The following CYTH1 variants were observed in gnomAD, a reference collection of about 807,000 sequenced individuals.
CYTH1 encodes the protein cytohesin 1.
In CYTH1, 18 loss-of-function variants were observed where a neutral mutation model predicts 61.8. The observed-to-expected ratio is 0.29, with a 90% CI of 0.20 to 0.43. The LOEUF is 0.43. Ranked by LOEUF, CYTH1 falls within the 20% of genes least tolerant of loss-of-function variation. The probability of loss-of-function intolerance (pLI) is 1.00; values close to 1 mark genes in which losing one functional copy is unlikely to be tolerated. For missense variants in CYTH1, 336 were observed against 510.5 expected, an observed-to-expected ratio of 0.66 and a Z score of 3.29; for synonymous variants, 174 against 184.3, an observed-to-expected ratio of 0.94 and a Z score of 0.45.
chr17:78,775,970 C>G (rs2093489214), intron 1 of CYTH1, among the ~76,000 whole-genome samples: 1 of 152,016 alleles, frequency 6.6e-6, no homozygotes, highest in African/African-American at 2.4e-5. Flanking sequence ...GCCTGGCCAA[C>G]ATGGTGAAAC....
intron 1 of CYTH1, among the ~76,000 whole-genome samples, chr17:78,719,883 C>T (rs770196108): frequency 8.5e-5 from 13 of 152,222 alleles, no homozygotes; most frequent in Admixed American, 2.6e-4. Context: ...AAGTTTCCCA[C>T]TCACTGAGTC....
At chr17:78,682,580 T>G (rs2092774871) in intron 11 of CYTH1, among the ~76,000 whole-genome samples, 1 of 152,158 alleles carries the variant, frequency 6.6e-6, no homozygotes, top group Non-Finnish European at 1.5e-5. Context: ...AGAAAGGGTG[T>G]GTGGGTGGTA....
chr17:78,736,453 T>TAC (rs1235988203), intron 1 of CYTH1, among the ~76,000 whole-genome samples: 3 of 150,716 alleles, frequency 2.0e-5, no homozygotes, highest in Non-Finnish European at 3.0e-5. Context: ...CACACACACA[T>TAC]ACACACACAC....
chr17:78,755,362 G>C (rs1490022787), intron 1 of CYTH1, among the ~76,000 whole-genome samples: 2 of 151,960 alleles, frequency 1.3e-5, no homozygotes, highest in East Asian at 3.9e-4. Flanking sequence ...TCGAACTCCT[G>C]ATCTCAAGTG....
chr17:78,700,268 G>T lies in CYTH1; in HGVS notation c.550+63C>A. The stretch of plus-strand genomic sequence containing the variant: ...GCCCTTTTGTTTTAGAAATTATCTG[G>T]TGCCAAGAAAATAATCCAGTGTAAA... On this transcript the variant is annotated intron_variant, in intron 7 of 13. Coordinates refer to ENST00000446868, the MANE Select transcript of CYTH1 (RefSeq NM_004762.6). The surrounding 1 kb of genome is among the most constrained non-coding windows in gnomAD (Gnocchi z 5.1). The T allele has an allele frequency of 7.2e-7, 1 of 1,386,204 alleles. No homozygotes were observed. The highest frequency in any genetic ancestry group is 1.8e-4 in the Middle Eastern group (1 of 5,578). 85.9% of individuals were successfully genotyped at this position (1,386,204 alleles called of 1,614,324 possible). A position where few individuals can be genotyped will look rare whatever the true frequency, so the allele number is the denominator to read the frequency against.
chr17:78,708,231 TA>T lies in CYTH1; in HGVS notation c.135del (p.Asn46MetfsTer21). On this transcript the variant is annotated frameshift_variant, in exon 3 of 14. Coordinates refer to ENST00000446868, the MANE Select transcript of CYTH1 (RefSeq NM_004762.6). LOFTEE classifies it high-confidence loss of function. Reference sequence around the variant, plus strand: ...GTGGATCCCAGGTTTTCAATTTCATTAGCTACTTCTGCTATCTCATCCTTCA... The same window carrying T: ...GTGGATCCCAGGTTTTCAATTTCATTGCTACTTCTGCTATCTCATCCTTCA... Reference protein sequence around the residue: ...QRLKDEIAEVANEIENLGSTE... With the variant: ...QRLKDEIAEVXNEIENLGSTE... 1 of 1,613,538 alleles carries T rather than the reference TA, an allele frequency of 6.2e-7. No homozygotes were observed. Among genetic ancestry groups the T allele is most frequent in the Non-Finnish European group, 8.5e-7 (1 of 1,179,856 alleles).
intron 11 of CYTH1, among the ~76,000 whole-genome samples, chr17:78,687,133 T>C (rs896570319): frequency 2.0e-5 from 3 of 152,234 alleles, no homozygotes; most frequent in Admixed American, 6.5e-5. Flanking sequence ...CTGTAATATA[T>C]AATGAAATAA....
intron 6 of CYTH1, among the ~76,000 whole-genome samples, chr17:78,701,029 A>G (rs1337150259): frequency 2.6e-5 from 4 of 152,202 alleles, no homozygotes; most frequent in African/African-American, 9.7e-5. Context: ...AGAATAATAT[A>G]CAAGACTGAA....
intron 1 of CYTH1, among the ~76,000 whole-genome samples, chr17:78,730,891 C>A (rs1211077103): frequency 6.6e-6 from 1 of 151,960 alleles, no homozygotes; most frequent in Non-Finnish European, 1.5e-5. Flanking sequence ...GTCTCGATCT[C>A]CTGACCTTGT....
intron 1 of CYTH1, among the ~76,000 whole-genome samples, chr17:78,769,614 T>G (rs1383466268): frequency 6.6e-6 from 1 of 152,216 alleles, no homozygotes; most frequent in Non-Finnish European, 1.5e-5. Context: ...TGCTGCCATG[T>G]TTGTCTCCTC....
chr17:78,743,554 G>C (rs186755197), intron 1 of CYTH1, among the ~76,000 whole-genome samples: 1 of 152,238 alleles, frequency 6.6e-6, no homozygotes, highest in East Asian at 1.9e-4. Context: ...TACAATGCAG[G>C]TACTCCAAAA....
intron 1 of CYTH1, among the ~76,000 whole-genome samples, chr17:78,746,437 C>T (rs2093359612): frequency 6.6e-6 from 1 of 152,178 alleles, no homozygotes; most frequent in Admixed American, 6.5e-5. Context: ...ATTACAAAGG[C>T]CACTTTCCCA....
At chr17:78,687,534 T>C (rs2092829202) in intron 11 of CYTH1, among the ~76,000 whole-genome samples, 1 of 152,222 alleles carries the variant, frequency 6.6e-6, no homozygotes, top group African/African-American at 2.4e-5. Flanking sequence ...CACAGATCCA[T>C]TCCTTTCCAG....
At chr17:78,762,538 G>T (rs1439305393) in intron 1 of CYTH1, among the ~76,000 whole-genome samples, 1 of 152,220 alleles carries the variant, frequency 6.6e-6, no homozygotes, top group African/African-American at 2.4e-5. Flanking sequence ...TGGTCCCAAA[G>T]ATATACATGT....
chr17:78,720,449 G>A (rs990543938), intron 1 of CYTH1, among the ~76,000 whole-genome samples: 2 of 152,196 alleles, frequency 1.3e-5, no homozygotes. Flanking sequence ...CTCCCCAATA[G>A]ATAGGACTAC....
intron 1 of CYTH1, among the ~76,000 whole-genome samples, chr17:78,774,327 T>C (rs573571810): frequency 2.6e-5 from 4 of 152,326 alleles, no homozygotes; most frequent in East Asian, 1.9e-4. Flanking sequence ...CTGTAAATAA[T>C]TGTGTTCTTT....
chr17:78,730,532 G>A (rs1334092125), intron 1 of CYTH1, among the ~76,000 whole-genome samples: 2 of 148,976 alleles, frequency 1.3e-5, no homozygotes, highest in East Asian at 4.0e-4. Flanking sequence ...GCGAGACTCC[G>A]TCTCAAAAAA....
intron 1 of CYTH1, among the ~76,000 whole-genome samples, chr17:78,740,863 G>A (rs1276121791): frequency 1.3e-5 from 2 of 152,134 alleles, no homozygotes; most frequent in African/African-American, 2.4e-5. Context: ...CCCAAACAGA[G>A]TGTTAGATTA....
chr17:78,740,091 A>G (rs1449702129), intron 1 of CYTH1, among the ~76,000 whole-genome samples: 2 of 152,140 alleles, frequency 1.3e-5, no homozygotes, highest in Non-Finnish European at 2.9e-5. Context: ...GCCTGCCACC[A>G]TGCTGAGCTA....
Sources: gnomAD v4.1 joint callset for allele counts (sites outside exome capture counted in the v4.1 genomes callset) on GRCh38, gnomAD v4.1.1 for gene constraint, Gnocchi (gnomAD v3.1) non-coding constraint, MANE v1.5 for transcripts, NCBI Gene and HGNC (gene_info 2026-07-23, HGNC 2026-07-21) for gene names.